Variants in TBC1D1 observed in about 807,000 individuals in gnomAD.
The protein encoded by TBC1D1 is TBC1 (tre-2/USP6, BUB2, cdc16) domain family, member 1.
In TBC1D1, 89 loss-of-function variants were observed where a neutral mutation model predicts 125.6. That is an observed-to-expected ratio of 0.71 (90% CI 0.60 to 0.85). The LOEUF is 0.85. Among genes scored for constraint, TBC1D1 ranks in the 40% least tolerant of loss-of-function variants. The pLI, the probability that TBC1D1 is intolerant of heterozygous loss-of-function variation, is 0.00. For missense variants in TBC1D1, 1,377 were observed against 1,469.2 expected (o/e 0.94, Z 1.03); for synonymous variants, 565 against 564.1 (o/e 1.00, Z -0.02).
Position 38,105,527 on chromosome 4 carries a change from A to C in TBC1D1, c.2557+2370A>C, listed in dbSNP as rs76712301. On this transcript the variant is annotated intron_variant, in intron 15 of 19. Coordinates refer to ENST00000261439, the MANE Select transcript of TBC1D1 (RefSeq NM_015173.4). ...GATGCTGAGGATTGGAGTGTGATTGAACTTGTCACCCAGGAACCAAGCATG... is the reference window on the plus strand; with the variant it reads ...GATGCTGAGGATTGGAGTGTGATTGCACTTGTCACCCAGGAACCAAGCATG... Among the ~76,000 whole-genome samples, 1,355 of 152,106 alleles carry C rather than the reference A, an allele frequency of 8.9e-3. 90 individuals are homozygous for C. The East Asian group carries it at 0.17, about 19-fold the overall frequency.
chr4:37,906,365 C>T (rs763951932), intron 2 of TBC1D1, among the ~76,000 whole-genome samples: 7 of 152,182 alleles, frequency 4.6e-5, no homozygotes, highest in Non-Finnish European at 1.0e-4. Context: ...CCAGGCTGGT[C>T]TCGAACTCCT....
intron 2 of TBC1D1, among the ~76,000 whole-genome samples, chr4:37,914,138 A>G (rs946497441): frequency 3.3e-5 from 5 of 152,158 alleles, no homozygotes; most frequent in Admixed American, 3.3e-4. Flanking sequence ...ACCCTTCCAG[A>G]TGAACTCATC....
intron 2 of TBC1D1, among the ~76,000 whole-genome samples, chr4:37,955,193 A>C (rs1728689911): frequency 6.6e-6 from 1 of 152,210 alleles, no homozygotes; most frequent in Non-Finnish European, 1.5e-5. Flanking sequence ...GAAACTATAA[A>C]AAGTAAAAAA....
intron 19 of TBC1D1, 87 bp from the exon 22 acceptor site, chr4:38,137,048 C>T: frequency 1.3e-6 from 2 of 1,594,614 alleles, no homozygotes; most frequent in Non-Finnish European, 1.7e-6. Context: ...CTCCAGAGTG[C>T]TCCCAAGGCT....
At chr4:38,025,285 C>T (rs1456755602) in intron 6 of TBC1D1, among the ~76,000 whole-genome samples, 1 of 152,220 alleles carries the variant, frequency 6.6e-6, no homozygotes, top group Admixed American at 6.5e-5. Context: ...GTCCTGGCTT[C>T]CCATTCCCTC....
At chr4:38,028,387 A>C (rs1745478714) in intron 7 of TBC1D1, among the ~76,000 whole-genome samples, 1 of 152,178 alleles carries the variant, frequency 6.6e-6, no homozygotes, top group Admixed American at 6.5e-5. Flanking sequence ...GCTGTTCTCG[A>C]ACTCCTGACC....
Position 38,138,032 on chromosome 4 carries a change from G to C in TBC1D1, c.*697G>C, listed in dbSNP as rs1766916034. The C allele has an allele frequency of 6.6e-6, 1 of 152,338 alleles. No individual in the cohort carries two copies. The allele number at this position is 152,338 out of a possible 1,614,324, so 9.4% of individuals were successfully genotyped here. A position where few individuals can be genotyped will look rare whatever the true frequency, so the allele number is the denominator to read the frequency against. On this transcript the variant is annotated 3_prime_UTR_variant, in exon 20 of 20. Coordinates refer to ENST00000261439, the MANE Select transcript of TBC1D1 (RefSeq NM_015173.4). ...TTAAGATCACTTTATTGAATTTGAA[G>C]ATCATCAAATTAAATAAAATGATTT...
chr4:38,003,231 C>T (rs1344325191), intron 2 of TBC1D1, among the ~76,000 whole-genome samples: 1 of 152,214 alleles, frequency 6.6e-6, no homozygotes, highest in African/African-American at 2.4e-5. Context: ...ATACCACTCA[C>T]AGACCTCGTG....
At chr4:38,075,093 C>A (rs532169657) in intron 12 of TBC1D1, among the ~76,000 whole-genome samples, 1 of 152,168 alleles carries the variant, frequency 6.6e-6, no homozygotes, top group South Asian at 2.1e-4. Context: ...GAAATATTAC[C>A]TCTTTAATGA....
chr4:38,099,099 C>T (rs540455964), intron 14 of TBC1D1, among the ~76,000 whole-genome samples: 13 of 152,274 alleles, frequency 8.5e-5, no homozygotes, highest in Admixed American at 2.0e-4. Context: ...GGGCCAGATG[C>T]AAACTCTGCT....
At chr4:38,119,843 C>A in intron 17 of TBC1D1, 3 of 541,394 alleles carry the variant, frequency 5.5e-6, no homozygotes, top group Non-Finnish European at 7.1e-6. Flanking sequence ...TCTACCAAGG[C>A]AACCAGGCTG....
chr4:38,004,256 C>T (rs982473971), intron 2 of TBC1D1, among the ~76,000 whole-genome samples: 3 of 152,196 alleles, frequency 2.0e-5, no homozygotes, highest in African/African-American at 4.8e-5. Context: ...TTAGTTACTG[C>T]TCCAGATCCC....
At chr4:37,972,114 T>C (rs1233048131) in intron 2 of TBC1D1, among the ~76,000 whole-genome samples, 1 of 152,186 alleles carries the variant, frequency 6.6e-6, no homozygotes, top group Non-Finnish European at 1.5e-5. Flanking sequence ...TCAGTGTCTT[T>C]GAGCAATGAC....
chr4:38,056,785 G>C (rs779607340), intron 12 of TBC1D1, among the ~76,000 whole-genome samples: 1 of 152,196 alleles, frequency 6.6e-6, no homozygotes, highest in African/African-American at 2.4e-5. Context: ...TCCAGCCTGG[G>C]CAACAGAGTG....
At chr4:37,946,843 T>C (rs1274261380) in intron 2 of TBC1D1, among the ~76,000 whole-genome samples, 1 of 152,152 alleles carries the variant, frequency 6.6e-6, no homozygotes, top group Non-Finnish European at 1.5e-5. Context: ...GCCTCAGGAC[T>C]CCTTTCCTTG....
chr4:38,116,525 C>G (rs1763010235), intron 16 of TBC1D1, among the ~76,000 whole-genome samples: 1 of 152,104 alleles, frequency 6.6e-6, no homozygotes, highest in Non-Finnish European at 1.5e-5. Context: ...TAATCATCTC[C>G]CTGTCTATTT....
rs187572375 is a variant in TBC1D1, at chr4:38,003,243, A to G, written c.418-11266A>G. On this transcript the variant is annotated intron_variant, in intron 2 of 19. Transcript: ENST00000261439. ...TTGATACCACTCACAGACCTCGTGTATTTTGTAAGGTAGTGGTTTTCACAC... is the reference window on the plus strand; with the variant it reads ...TTGATACCACTCACAGACCTCGTGTGTTTTGTAAGGTAGTGGTTTTCACAC... Among the ~76,000 whole-genome samples, 12 of 152,258 alleles carry G rather than the reference A, an allele frequency of 7.9e-5. No homozygotes were observed. In the East Asian group the frequency reaches 1.3e-3, roughly 17 times the overall value.
chr4:38,006,277 A>G (rs1239598293), intron 2 of TBC1D1, among the ~76,000 whole-genome samples: 4 of 152,152 alleles, frequency 2.6e-5, no homozygotes, highest in Non-Finnish European at 5.9e-5. Context: ...CCAAGGCCAA[A>G]ATAGTTTTGC....
intron 7 of TBC1D1, among the ~76,000 whole-genome samples, chr4:38,033,937 G>A (rs1362965125): frequency 5.9e-5 from 9 of 152,112 alleles, no homozygotes; most frequent in Admixed American, 6.6e-5. Flanking sequence ...CCCATTTGCC[G>A]ATCGATGCAC....
Sources: gnomAD v4.1 joint callset for allele counts (sites outside exome capture counted in the v4.1 genomes callset) on GRCh38, gnomAD v4.1.1 for gene constraint, MANE v1.5 for transcripts, NCBI Gene and HGNC (gene_info 2026-07-23, HGNC 2026-07-21) for gene names.